Variants in NTAQ1 observed in about 807,000 individuals in gnomAD.
NTAQ1 encodes protein N-terminal glutamine amidohydrolase.
NTAQ1 carries 21 observed loss-of-function variants against 28.2 expected under a neutral mutation model. That is an observed-to-expected ratio of 0.74 (90% CI 0.53 to 1.07). The LOEUF (loss-of-function observed/expected upper bound fraction) is 1.07, where lower values mean the gene tolerates loss of function less well. NTAQ1 is among the 50% of genes least tolerant of loss of function. The pLI is 0.00. For missense variants in NTAQ1, 264 were observed against 256.6 expected (o/e 1.03, Z -0.20); for synonymous variants, 105 against 90.0 (o/e 1.17, Z -0.94).
downstream of NTAQ1, among the ~76,000 whole-genome samples, chr8:123,450,249 C>T (rs1815450462): frequency 6.6e-6 from 1 of 151,650 alleles, no homozygotes. Context: ...GAGGGATCAG[C>T]TCTGTCAGAT....
At chr8:123,449,991 C>A (rs139003084), downstream of NTAQ1, among the ~76,000 whole-genome samples, 2 of 68,586 alleles carry the variant, frequency 2.9e-5, no homozygotes, top group African/African-American at 1.1e-4. Flanking sequence ...TAAAGGGGTC[C>A]CAGAGTCAAG....
At chr8:123,420,582 T>C (rs1451171782) in intron 1 of NTAQ1, among the ~76,000 whole-genome samples, 1 of 116,424 alleles carries the variant, frequency 8.6e-6, no homozygotes, top group African/African-American at 3.2e-5. Context: ...GCGTCTGTTA[T>C]TTTTTGCCTT....
chr8:123,445,132 C>T (rs1036247047), downstream of NTAQ1, among the ~76,000 whole-genome samples: 4 of 151,918 alleles, frequency 2.6e-5, no homozygotes, highest in Non-Finnish European at 4.4e-5. Flanking sequence ...GAAAAGTAAA[C>T]TTCCCTCCTG....
At chr8:123,421,794 T>C (rs2130149461) in intron 1 of NTAQ1, among the ~76,000 whole-genome samples, 1 of 151,864 alleles carries the variant, frequency 6.6e-6, no homozygotes, top group East Asian at 1.9e-4. Context: ...GTTCACACCA[T>C]TCTCCTGCCT....
chr8:123,465,174 G>A (rs1365268888), intron 6 of NTAQ1, among the ~76,000 whole-genome samples: 1 of 152,120 alleles, frequency 6.6e-6, no homozygotes, highest in Non-Finnish European at 1.5e-5. Context: ...CCTTCATCTG[G>A]CTTTCCCCAT....
At chr8:123,463,763 G>T (rs775108132) in intron 6 of NTAQ1, among the ~76,000 whole-genome samples, 3 of 152,142 alleles carry the variant, frequency 2.0e-5, no homozygotes, top group Non-Finnish European at 2.9e-5. Context: ...GGGAGGTGTT[G>T]AACTGTGATG....
intron 6 of NTAQ1, among the ~76,000 whole-genome samples, chr8:123,457,057 A>G (rs1815669390): frequency 6.6e-6 from 1 of 152,282 alleles, no homozygotes. Flanking sequence ...TAAAAAATCT[A>G]TCTATACATA....
At chr8:123,426,590 G>A (rs970134814) in intron 1 of NTAQ1, among the ~76,000 whole-genome samples, 10 of 150,744 alleles carry the variant, frequency 6.6e-5, no homozygotes, top group South Asian at 4.2e-4. Context: ...GAGGCTGGGA[G>A]TTTGAGGCTG....
intron 3 of NTAQ1, among the ~76,000 whole-genome samples, chr8:123,434,217 GTTCCCA>G (rs1423345971): frequency 1.3e-5 from 2 of 152,186 alleles, no homozygotes; most frequent in Non-Finnish European, 2.9e-5. Context: ...AGTTTACCTG[GTTCCCA>G]TTCACTTCTC....
the NTAQ1 span, among the ~76,000 whole-genome samples, chr8:123,475,441 T>C: frequency 6.6e-6 from 1 of 152,186 alleles, no homozygotes; most frequent in Non-Finnish European, 1.5e-5. Context: ...GTCCTCTCAG[T>C]GGACAGAGTT....
downstream of NTAQ1, among the ~76,000 whole-genome samples, chr8:123,445,475 A>G (rs1033101881): frequency 2.0e-5 from 3 of 152,162 alleles, no homozygotes; most frequent in Non-Finnish European, 4.4e-5. Context: ...TCTGCGATAC[A>G]TATGGTCCAT....
the NTAQ1 span, among the ~76,000 whole-genome samples, chr8:123,475,382 A>T: frequency 6.6e-6 from 1 of 152,106 alleles, no homozygotes. Flanking sequence ...AGGAACCAAG[A>T]TCTTGGCATT....
chr8:123,428,289 C>T (rs113563867), intron 2 of NTAQ1, among the ~76,000 whole-genome samples: 2,823 of 152,204 alleles, frequency 0.019, 95 homozygotes, highest in African/African-American at 0.064. Flanking sequence ...CTCCACCTCC[C>T]GGGTTCAAGC....
rs147989633 is a variant in NTAQ1, at chr8:123,433,557, C to T, written c.235-2896C>T. On this transcript the variant is annotated intron_variant, in intron 3 of 5. Transcript: ENST00000287387. ...CTGTCTCCTGGGTTCAAGTGATTCT[C>T]GTGCCTCAGCCTCCTGAGTAGCTGG... Among the ~76,000 whole-genome samples the T allele has an allele frequency of 3.2e-3, 480 of 152,262 alleles. 4 individuals are homozygous for T. Among genetic ancestry groups the T allele is most frequent in the African/African-American group, 0.011 (463 of 41,564 alleles).
chr8:123,448,052 AT>A (rs1356541801), exon 7 of NTAQ1: 1 of 152,220 alleles, frequency 6.6e-6, no homozygotes, highest in East Asian at 1.9e-4. Flanking sequence ...ACCAGATGAA[AT>A]GGTGATGACT....
chr8:123,451,519 A>G (rs191053483), downstream of NTAQ1, among the ~76,000 whole-genome samples: 33 of 151,834 alleles, frequency 2.2e-4, no homozygotes, highest in Admixed American at 1.8e-3. Context: ...TTGTATTTTT[A>G]TTAGAGACAG....
chr8:123,450,643 C>T (rs541852315), downstream of NTAQ1, among the ~76,000 whole-genome samples: 1 of 152,236 alleles, frequency 6.6e-6, no homozygotes, highest in South Asian at 2.1e-4. Flanking sequence ...CCCTTTGACT[C>T]GATCCATCCC....
chr8:123,453,591 G>A (rs1815567257), intron 6 of NTAQ1, among the ~76,000 whole-genome samples: 1 of 152,002 alleles, frequency 6.6e-6, no homozygotes, highest in Non-Finnish European at 1.5e-5. Context: ...ACCATGCCTG[G>A]CTAATTTTAT....
At chr8:123,447,870 A>G (rs4419796) in intron 6 of NTAQ1, among the ~76,000 whole-genome samples, 54,951 of 151,908 alleles carry the variant, frequency 0.36, 10,020 homozygotes, top group East Asian at 0.56. Context: ...GTTCTACAGC[A>G]ACAGAGCTGT....
Sources: allele counts gnomAD v4.1 joint callset (sites outside exome capture counted in the v4.1 genomes callset), GRCh38; gene constraint gnomAD v4.1.1; transcripts MANE v1.5; gene names NCBI Gene and HGNC (gene_info 2026-07-23, HGNC 2026-07-21).